Variants in RHBG observed in about 807,000 individuals in gnomAD.
RHBG encodes Rh family B glycoprotein.
In RHBG, 39 loss-of-function variants were observed where a neutral mutation model predicts 40.1. The observed-to-expected ratio is 0.97, with a 90% CI of 0.75 to 1.27. The LOEUF is 1.27. Ranked by LOEUF, RHBG falls within the 50% of genes most tolerant of loss-of-function variation. The probability of loss-of-function intolerance (pLI) is 0.00; values close to 1 mark genes in which losing one functional copy is unlikely to be tolerated. For synonymous variants in RHBG, 237 were observed against 252.5 expected (o/e 0.94, Z 0.58); for missense variants, 549 against 588.1 (o/e 0.93, Z 0.69).
chr1:156,377,455 C>A lies in RHBG; in HGVS notation c.342C>A (p.Phe114Leu), dbSNP rs776617779. The A allele has an allele frequency of 6.2e-7, 1 of 1,612,996 alleles. No homozygotes were observed. The highest frequency in any genetic ancestry group is 1.7e-5 in the Admixed American group (1 of 60,014). ...TGGTCCAGGGCTTTCTCCACTCCTT[C>A]CACGGTGGCCACATCCATGTTGGCG... is the stretch of plus-strand genomic sequence containing the variant. ...STLVQGFLHS[F>L]HGGHIHVGVE... is the part of the protein sequence containing the mutation. Residue 114 changes from phenylalanine (F) to leucine (L), a missense_variant, in exon 2 of 10, where the codon TTC (phenylalanine) becomes TTA (leucine). Phe to Leu is a conservative substitution (Grantham distance 22). This residue lies in a region of RHBG where 51 missense variants were observed against 85.9 expected (regional missense o/e 0.59). Transcript: ENST00000537040. The surrounding 1 kb of genome is among the most constrained non-coding windows in gnomAD (Gnocchi z 4.6).
At position 156,382,856 on chromosome 1, in the gene RHBG, C is replaced by T. The variant is rs3762280; in HGVS notation, c.1221C>T (p.Gly407=). The part of the protein sequence containing the change: ...LFVTLMFASV[G]GGLGGLLLKL... ...TCACACTGATGTTTGCCTCTGTGGG[C>T]GGGGGCCTTGGAGGTGAGTAACCTT... The change falls in exon 8 of 10, where the codon GGC becomes GGT. Residue 407 remains glycine (G), a synonymous_variant. Transcript: ENST00000537040. The T allele has an allele frequency of 4.3e-3, 6,962 of 1,614,094 alleles. 221 individuals carry two copies. Among genetic ancestry groups the T allele is most frequent in the East Asian group, 0.026 (1,165 of 44,878 alleles).
chr1:156,376,115 C>A (rs144836479), intron 1 of RHBG, among the ~76,000 whole-genome samples: 1 of 151,992 alleles, frequency 6.6e-6, no homozygotes, highest in East Asian at 1.9e-4. Context: ...CAGAAAAGGC[C>A]GCAAATCTTC....
intron 1 of RHBG, among the ~76,000 whole-genome samples, chr1:156,375,374 C>T (rs1667121009): frequency 6.6e-6 from 1 of 151,704 alleles, no homozygotes. Context: ...CGCCCAGCCT[C>T]AGACCTCTAA....
At chr1:156,372,771 CAGA>C (rs1460913519) in intron 1 of RHBG, among the ~76,000 whole-genome samples, 2 of 152,256 alleles carry the variant, frequency 1.3e-5, no homozygotes, top group East Asian at 1.9e-4. Flanking sequence ...GTCATAAAAT[CAGA>C]AGGAGGTGGG....
intron 1 of RHBG, among the ~76,000 whole-genome samples, chr1:156,375,757 T>A (rs908453017): frequency 5.3e-5 from 8 of 152,134 alleles, no homozygotes; most frequent in African/African-American, 1.9e-4. Flanking sequence ...TTTTTTTTTT[T>A]TGACACGGAA....
In RHBG at chr1:156,377,633, C is replaced by A; in HGVS notation, c.374+146C>A. On this transcript the variant is annotated intron_variant, in intron 2 of 9. Transcript: ENST00000537040. The surrounding 1 kb of genome is among the most constrained non-coding windows in gnomAD (Gnocchi z 4.6). ...GGTTTCTCTAGGTGTCCTGCCTGTC[C>A]TTATTGCCTGACTTCCTCTCCCATC... 2 of 820,232 alleles carry A rather than the reference C, an allele frequency of 2.4e-6. No homozygotes were observed. The highest frequency in any genetic ancestry group is 1.8e-5 in the South Asian group (1 of 54,068). 50.8% of individuals were successfully genotyped at this position (820,232 alleles called of 1,614,324 possible).
rs1467784891 is a variant in RHBG, at chr1:156,373,432, T to G, written c.188-3869T>G. The stretch of plus-strand genomic sequence containing the variant: ...CAGAGCAAGAACTGTCGCAAAAAAA[T>G]AAAAAAGTGTATGGATTTGGTGGGG... On this transcript the variant is annotated intron_variant, in intron 1 of 9. Transcript: ENST00000537040. Among the ~76,000 whole-genome samples the G allele has an allele frequency of 1.5e-3, 25 of 16,206 alleles. No individual in the cohort carries two copies. In the Admixed American group the frequency reaches 0.026, roughly 17 times the overall value. 10.6% of individuals were successfully genotyped at this position (16,206 alleles called of 152,430 possible). A position where few individuals can be genotyped will look rare whatever the true frequency, so the allele number is the denominator to read the frequency against.
intron 7 of RHBG, 78 bp from the exon 8 acceptor site, chr1:156,382,670 G>A (rs1223774796): frequency 1.3e-6 from 2 of 1,559,466 alleles, no homozygotes; most frequent in Admixed American, 1.7e-5. Flanking sequence ...GAGTTCCAGT[G>A]CCATGAGCAG....
At chr1:156,371,013 G>A (rs1373332129) in intron 1 of RHBG, among the ~76,000 whole-genome samples, 1 of 151,704 alleles carries the variant, frequency 6.6e-6, no homozygotes, top group East Asian at 1.9e-4. Context: ...TATCACAAGT[G>A]CTTGGGCAGG....
chr1:156,381,773 G>T lies in RHBG; in HGVS notation c.841-33G>T, dbSNP rs749890936. 33 of 1,563,142 alleles carry T rather than the reference G, an allele frequency of 2.1e-5. No individual in the cohort carries two copies. In the African/African-American group the frequency reaches 4.6e-4, roughly 22 times the overall value. ...TGGGTTGCTGTGGGTGTGACAATCT[G>T]AAAGGGCCTCCAACACCTTGCTCTT... On this transcript the variant is annotated intron_variant, in intron 5 of 9. Transcript: ENST00000537040.
At chr1:156,375,888 T>G (rs1443092854) in intron 1 of RHBG, among the ~76,000 whole-genome samples, 1 of 151,916 alleles carries the variant, frequency 6.6e-6, no homozygotes, top group African/African-American at 2.4e-5. Flanking sequence ...TACAGGCACA[T>G]GCCACCATGC....
chr1:156,378,145 G>C lies in RHBG; in HGVS notation c.525+5G>C. On this transcript the variant is annotated splice_donor_5th_base_variant and intron_variant, in intron 3 of 9. Coordinates refer to ENST00000537040, the MANE Select transcript of RHBG (RefSeq NM_020407.5). ...GTGCTCCTTCATCTCCTGGGGGTGA[G>C]AGTCTGGGGAGGGATGGAGTCGGGG... is the stretch of plus-strand genomic sequence containing the variant. 1 of 1,591,296 alleles carries C rather than the reference G, an allele frequency of 6.3e-7. No homozygotes were observed. The highest frequency in any genetic ancestry group is 8.6e-7 in the Non-Finnish European group (1 of 1,163,742).
At position 156,382,987 on chromosome 1, in the gene RHBG, G is replaced by A. The variant is rs1203950337; in HGVS notation, c.1234+118G>A. 4.8e-6 allele frequency: 7 copies of A among 1,466,546 alleles called. No homozygotes were observed. In the Admixed American group the frequency reaches 1.3e-4, roughly 27 times the overall value. 90.8% of individuals were successfully genotyped at this position (1,466,546 alleles called of 1,614,324 possible). On this transcript the variant is annotated intron_variant, in intron 8 of 9. Coordinates refer to ENST00000537040, the MANE Select transcript of RHBG (RefSeq NM_020407.5). The stretch of plus-strand genomic sequence containing the variant: ...CTTTGTGCCATAAAGTAGGGATTGG[G>A]TTGTGGGTTAAGGGGTAACCAACCT...
At chr1:156,380,325 C>T (rs1667533848) in intron 4 of RHBG, among the ~76,000 whole-genome samples, 1 of 152,020 alleles carries the variant, frequency 6.6e-6, no homozygotes, top group East Asian at 2.0e-4. Context: ...TGGTCTCGAA[C>T]CCCGAACCTT....
chr1:156,383,665 C>T (rs1452901229), intron 8 of RHBG, among the ~76,000 whole-genome samples: 2 of 151,878 alleles, frequency 1.3e-5, no homozygotes, highest in Admixed American at 6.6e-5. Context: ...TGAATACAGG[C>T]ACCCGCCACC....
chr1:156,369,796 C>T (rs1390269727), intron 1 of RHBG, among the ~76,000 whole-genome samples: 2 of 152,138 alleles, frequency 1.3e-5, no homozygotes, highest in Non-Finnish European at 2.9e-5. Context: ...CTCAGTTGGC[C>T]TAATTGGGCT....
chr1:156,376,249 A>AC (rs1667188566), intron 1 of RHBG, among the ~76,000 whole-genome samples: 1 of 152,172 alleles, frequency 6.6e-6, no homozygotes, highest in Non-Finnish European at 1.5e-5. Flanking sequence ...CATGTTGCAC[A>AC]ACTCCAGGGG....
intron 1 of RHBG, among the ~76,000 whole-genome samples, chr1:156,369,800 T>C (rs79788381): frequency 2.0e-5 from 3 of 152,250 alleles, no homozygotes; most frequent in Non-Finnish European, 4.4e-5. Context: ...GTTGGCCTAA[T>C]TGGGCTTTGC....
intron 4 of RHBG, among the ~76,000 whole-genome samples, chr1:156,378,870 TC>T (rs1188038922): frequency 4.6e-5 from 7 of 152,114 alleles, no homozygotes; most frequent in African/African-American, 1.7e-4. Flanking sequence ...CCCGGGAGAT[TC>T]CTGATGCCTG....
Sources: gnomAD v4.1 joint callset for allele counts (sites outside exome capture counted in the v4.1 genomes callset) on GRCh38, gnomAD v4.1.1 for gene constraint, gnomAD v4.1.1 regional missense constraint, Gnocchi (gnomAD v3.1) non-coding constraint, MANE v1.5 for transcripts, NCBI Gene and HGNC (gene_info 2026-07-23, HGNC 2026-07-21) for gene names.